The following SENP7 variants were observed in gnomAD, a reference collection of about 807,000 sequenced individuals.
SENP7 encodes the protein SUMO specific peptidase 7.
Under a neutral mutation model 141.2 loss-of-function variants are expected in SENP7, and 64 were observed. The observed-to-expected ratio is 0.45, with a 90% CI of 0.37 to 0.56. The LOEUF (loss-of-function observed/expected upper bound fraction) is 0.56, where lower values mean the gene tolerates loss of function less well. SENP7 is among the 20% of genes least tolerant of loss of function. The pLI, the probability that SENP7 is intolerant of heterozygous loss-of-function variation, is 0.00. For missense variants in SENP7, 1,025 were observed against 1,212.2 expected, an observed-to-expected ratio of 0.85 and a Z score of 2.29; for synonymous variants, 382 against 426.4, an observed-to-expected ratio of 0.90 and a Z score of 1.28.
chr3:101,451,146 C>A (rs921012886), intron 4 of SENP7, among the ~76,000 whole-genome samples: 2 of 152,176 alleles, frequency 1.3e-5, no homozygotes, highest in East Asian at 1.9e-4. Context: ...AACACATACA[C>A]CCTCCCAAGA....
chr3:101,483,823 A>T (rs2064606530), intron 3 of SENP7, among the ~76,000 whole-genome samples: 1 of 152,154 alleles, frequency 6.6e-6, no homozygotes. Context: ...GGAGTTTGAG[A>T]CCAGCCTGGC....
At chr3:101,437,242 G>T (rs115550094) in intron 4 of SENP7, among the ~76,000 whole-genome samples, 1 of 152,176 alleles carries the variant, frequency 6.6e-6, no homozygotes, top group African/African-American at 2.4e-5. Flanking sequence ...AGTGGGCTGA[G>T]GGGGGCAGGT....
At chr3:101,496,133 C>T (rs960913354) in intron 2 of SENP7, among the ~76,000 whole-genome samples, 2 of 152,160 alleles carry the variant, frequency 1.3e-5, no homozygotes. Flanking sequence ...TAGAAGGATA[C>T]ACACCAAAGT....
intron 11 of SENP7, among the ~76,000 whole-genome samples, chr3:101,354,985 GC>G (rs1294568660): frequency 6.6e-6 from 1 of 152,106 alleles, no homozygotes; most frequent in Non-Finnish European, 1.5e-5. Context: ...GTGATATTGA[GC>G]TTTTTTACCA....
At chr3:101,455,448 G>A (rs1469261854) in intron 4 of SENP7, among the ~76,000 whole-genome samples, 3 of 152,038 alleles carry the variant, frequency 2.0e-5, no homozygotes, top group Non-Finnish European at 4.4e-5. Flanking sequence ...TAAATAGAGG[G>A]TTTTCAGTTC....
intron 3 of SENP7, among the ~76,000 whole-genome samples, chr3:101,477,952 CGTT>C (rs1388214768): frequency 6.6e-6 from 1 of 151,234 alleles, no homozygotes; most frequent in Admixed American, 6.6e-5. Flanking sequence ...TGAAAAAAAG[CGTT>C]GTTTTTTTTA....
intron 4 of SENP7, among the ~76,000 whole-genome samples, chr3:101,450,972 G>A (rs2063112270): frequency 6.6e-6 from 1 of 151,998 alleles, no homozygotes; most frequent in Admixed American, 6.6e-5. Context: ...CCACTAGCAA[G>A]ACTAATAAAG....
intron 4 of SENP7, among the ~76,000 whole-genome samples, chr3:101,442,305 G>A (rs1401278742): frequency 6.6e-6 from 1 of 152,184 alleles, no homozygotes; most frequent in Non-Finnish European, 1.5e-5. Flanking sequence ...TTTTTCCACA[G>A]ACCACGGGAT....
intron 7 of SENP7, 115 bp downstream of exon 7, chr3:101,371,893 C>G: frequency 2.6e-6 from 1 of 389,500 alleles, no homozygotes; most frequent in Non-Finnish European, 4.5e-6. Context: ...AATAATCTCC[C>G]TTTACTTTCA....
intron 13 of SENP7, among the ~76,000 whole-genome samples, chr3:101,344,350 T>G (rs2059400185): frequency 6.6e-6 from 1 of 152,200 alleles, no homozygotes; most frequent in Admixed American, 6.5e-5. Flanking sequence ...CCTCAGTCAT[T>G]TCAATGGTGA....
At chr3:101,333,645 G>A (rs528250976) in intron 17 of SENP7, among the ~76,000 whole-genome samples, 1 of 152,164 alleles carries the variant, frequency 6.6e-6, no homozygotes, top group African/African-American at 2.4e-5. Context: ...CATACACAAG[G>A]AAACTACAGG....
At chr3:101,450,123 G>A (rs1346622726) in intron 4 of SENP7, among the ~76,000 whole-genome samples, 5 of 152,098 alleles carry the variant, frequency 3.3e-5, no homozygotes, top group African/African-American at 4.8e-5. Flanking sequence ...GAAGGCCATT[G>A]CATAATGGTA....
rs1389505201 is a variant in SENP7, at chr3:101,325,338, GAAT to G, written c.*602_*604del. On this transcript the variant is annotated 3_prime_UTR_variant, in exon 24 of 24. Transcript: ENST00000394095. The stretch of plus-strand genomic sequence containing the variant: ...CAGAGTAATCGTATTTAGCAATTGA[GAAT>G]AATAAGCTGCACTTTAAAAGAGCGA... 6.6e-6 allele frequency: 1 copy of G among 151,848 alleles called. No individual in the cohort carries two copies. Among genetic ancestry groups the G allele is most frequent in the Non-Finnish European group, 1.5e-5 (1 of 67,884 alleles). The allele number at this position is 151,848 out of a possible 1,614,324, so 9.4% of individuals were successfully genotyped here.
At chr3:101,454,959 A>G (rs1352201177) in intron 4 of SENP7, among the ~76,000 whole-genome samples, 1 of 152,240 alleles carries the variant, frequency 6.6e-6, no homozygotes, top group Non-Finnish European at 1.5e-5. Context: ...AAAATTATTT[A>G]ATTATTGAAT....
chr3:101,370,643 G>T (rs915021783), intron 7 of SENP7, among the ~76,000 whole-genome samples: 1 of 151,878 alleles, frequency 6.6e-6, no homozygotes, highest in South Asian at 2.1e-4. Context: ...TTGCTAGGTT[G>T]AATCTACAGA....
At chr3:101,394,666 GT>G (rs1458936870) in intron 6 of SENP7, among the ~76,000 whole-genome samples, 1 of 151,586 alleles carries the variant, frequency 6.6e-6, no homozygotes, top group African/African-American at 2.4e-5. Context: ...TTTAAAATTT[GT>G]TTTTTTCTTT....
chr3:101,360,159 C>G (rs1324625620), intron 11 of SENP7, among the ~76,000 whole-genome samples: 1 of 152,070 alleles, frequency 6.6e-6, no homozygotes, highest in Non-Finnish European at 1.5e-5. Flanking sequence ...ATGCCAAAAT[C>G]AGTTAAAACC....
chr3:101,331,900 A>C, intron 19 of SENP7, 85 bp downstream of exon 19: 1 of 1,356,416 alleles, frequency 7.4e-7, no homozygotes, highest in Non-Finnish European at 1.0e-6. Context: ...AAATAACTAT[A>C]CTACCGTTAA....
Position 101,381,395 on chromosome 3 carries a change from G to C in SENP7, c.678-9269C>G, listed in dbSNP as rs559946056. On this transcript the variant is annotated intron_variant, in intron 6 of 23. Coordinates refer to ENST00000394095, the MANE Select transcript of SENP7 (RefSeq NM_020654.5). ...GATTAATATCAAAAGAGGATAGTGT[G>C]AAATGAATAAAAATAACACTATTTT... is the stretch of plus-strand genomic sequence containing the variant. 7.2e-5 allele frequency among the ~76,000 whole-genome samples: 11 copies of C among 151,946 alleles called. No individual in the cohort carries two copies. In the South Asian group the frequency reaches 2.3e-3, roughly 32 times the overall value.
Sources: allele counts gnomAD v4.1 joint callset (sites outside exome capture counted in the v4.1 genomes callset), GRCh38; gene constraint gnomAD v4.1.1; transcripts MANE v1.5; gene names NCBI Gene and HGNC (gene_info 2026-07-23, HGNC 2026-07-21).